ITGA9: variants seen among roughly 807,000 people sequenced by gnomAD.
ITGA9 encodes integrin alpha-9.
Under a neutral mutation model 127.8 loss-of-function variants are expected in ITGA9, and 56 were observed. The ratio of observed to expected loss-of-function variants is 0.44; its 90% CI spans 0.35 to 0.55. The LOEUF is 0.55. Ranked by LOEUF, ITGA9 falls within the 20% of genes least tolerant of loss-of-function variation. The pLI, the probability that ITGA9 is intolerant of heterozygous loss-of-function variation, is 0.00. For missense variants in ITGA9, 1,196 were observed against 1,347.1 expected, an observed-to-expected ratio of 0.89 and a Z score of 1.76; for synonymous variants, 508 against 514.5, an observed-to-expected ratio of 0.99 and a Z score of 0.17.
chr3:37,797,165 A>AAAG (rs1697183454), intron 26 of ITGA9, among the ~76,000 whole-genome samples: 2 of 151,922 alleles, frequency 1.3e-5, no homozygotes, highest in African/African-American at 4.8e-5. Flanking sequence ...CTATCTCTAC[A>AAAG]AATAATAATA....
intron 4 of ITGA9, among the ~76,000 whole-genome samples, chr3:37,490,520 T>G (rs1698658898): frequency 6.6e-6 from 1 of 152,116 alleles, no homozygotes; most frequent in African/African-American, 2.4e-5. Context: ...CTCAAATGGG[T>G]AATATGAAGG....
chr3:37,816,882 T>G (rs763238500), intron 27 of ITGA9, among the ~76,000 whole-genome samples: 1 of 152,222 alleles, frequency 6.6e-6, no homozygotes, highest in Non-Finnish European at 1.5e-5. Flanking sequence ...TCTTTCCCAG[T>G]CATTCAAACT....
chr3:37,741,602 C>T (rs1473728853), intron 20 of ITGA9, 128 bp from the exon 21 acceptor site: 3 of 746,540 alleles, frequency 4.0e-6, no homozygotes, highest in African/African-American at 3.5e-5. Context: ...CAAAAACAGA[C>T]TGAAGGCAAT....
chr3:37,744,149 G>C, intron 22 of ITGA9, 115 bp downstream of exon 22: 1 of 760,986 alleles, frequency 1.3e-6, no homozygotes, highest in Non-Finnish European at 2.4e-6. Flanking sequence ...TGGTTGGCTG[G>C]TGTGGTGTGT....
intron 19 of ITGA9, among the ~76,000 whole-genome samples, chr3:37,735,983 C>A (rs1234260277): frequency 6.6e-6 from 1 of 152,188 alleles, no homozygotes; most frequent in Non-Finnish European, 1.5e-5. Flanking sequence ...ATGGTCCCGG[C>A]AGATTCAGTT....
At chr3:37,660,367 T>C (rs1700521811) in intron 17 of ITGA9, among the ~76,000 whole-genome samples, 1 of 152,194 alleles carries the variant, frequency 6.6e-6, no homozygotes, top group Admixed American at 6.5e-5. Flanking sequence ...AAAAACTTCA[T>C]GTGGTGGGAA....
intron 13 of ITGA9, among the ~76,000 whole-genome samples, chr3:37,527,028 G>A (rs1352078420): frequency 6.6e-6 from 1 of 152,186 alleles, no homozygotes; most frequent in African/African-American, 2.4e-5. Flanking sequence ...TGAACTCAGG[G>A]GCCAGGTGGC....
chr3:37,644,295 G>A (rs1234958401), intron 16 of ITGA9, among the ~76,000 whole-genome samples: 1 of 152,150 alleles, frequency 6.6e-6, no homozygotes, highest in Non-Finnish European at 1.5e-5. Context: ...CCTTTAGATG[G>A]ATGGAACTGG....
rs116041032 is a variant in ITGA9 at position 37,570,453 on chromosome 3, A to G, written c.1689+27868A>G. 2.4e-3 allele frequency among the ~76,000 whole-genome samples: 370 copies of G among 152,222 alleles called. 2 individuals carry two copies. Among genetic ancestry groups the G allele is most frequent in the African/African-American group, 8.6e-3 (359 of 41,536 alleles). ...GCTTGGTATTGCTGGAAGTGGATAG[A>G]TTTGGGTTGCCTGTGTCTAGCAGGT... On this transcript the variant is annotated intron_variant, in intron 15 of 27. Transcript: ENST00000264741.
intron 1 of ITGA9, among the ~76,000 whole-genome samples, chr3:37,454,764 G>A (rs760276271): frequency 2.6e-5 from 4 of 152,032 alleles, no homozygotes; most frequent in Non-Finnish European, 4.4e-5. Flanking sequence ...TCATGCTGTT[G>A]TTTTCAAGTA....
intron 15 of ITGA9, among the ~76,000 whole-genome samples, chr3:37,614,590 C>T (rs1253288547): frequency 6.6e-6 from 1 of 151,736 alleles, no homozygotes. Context: ...ATTCTTCCTA[C>T]CCATGAGCAT....
At chr3:37,561,869 T>C (rs1324891601) in intron 15 of ITGA9, among the ~76,000 whole-genome samples, 2 of 149,666 alleles carry the variant, frequency 1.3e-5, no homozygotes, top group East Asian at 3.8e-4. Flanking sequence ...CTCAGCCCTG[T>C]TATTATTCTC....
chr3:37,474,694 G>A (rs966326719), intron 3 of ITGA9, among the ~76,000 whole-genome samples: 2 of 152,178 alleles, frequency 1.3e-5, no homozygotes, highest in Non-Finnish European at 2.9e-5. Flanking sequence ...GAAGCTGTAC[G>A]AAGATTTTTG....
intron 18 of ITGA9, among the ~76,000 whole-genome samples, chr3:37,716,855 C>T (rs1321522882): frequency 6.6e-6 from 1 of 152,002 alleles, no homozygotes; most frequent in Non-Finnish European, 1.5e-5. Flanking sequence ...GCCTGTCTCC[C>T]TATATTGTTC....
At chr3:37,759,099 A>ACG (rs768854840) in intron 23 of ITGA9, among the ~76,000 whole-genome samples, 11 of 151,714 alleles carry the variant, frequency 7.3e-5, no homozygotes, top group Non-Finnish European at 1.2e-4. Context: ...ACACACACAC[A>ACG]CATATACCCA....
At chr3:37,491,250 T>C (rs1440528417) in intron 4 of ITGA9, among the ~76,000 whole-genome samples, 2 of 152,204 alleles carry the variant, frequency 1.3e-5, no homozygotes, top group Non-Finnish European at 2.9e-5. Flanking sequence ...GTGCTGGGAT[T>C]ACAGGTGTCA....
intron 18 of ITGA9, among the ~76,000 whole-genome samples, chr3:37,711,086 C>T: frequency 6.6e-6 from 1 of 152,208 alleles, no homozygotes; most frequent in East Asian, 1.9e-4. Flanking sequence ...GAAGGCTCCA[C>T]TGGAGGATCT....
Position 37,629,109 on chromosome 3 carries a change from G to A in ITGA9, c.1690-78G>A, listed in dbSNP as rs564449273. On this transcript the variant is annotated intron_variant, in intron 15 of 27. Transcript: ENST00000264741. This position sits in a 1 kb window ranked among gnomAD's most constrained non-coding sequence, Gnocchi z 4.5. Reference sequence around the variant, plus strand: ...TTATATGAGGCAATTCATGTAGAAGGTCTTTGTAAACTGTGAAATGCTCTA... The same window carrying A: ...TTATATGAGGCAATTCATGTAGAAGATCTTTGTAAACTGTGAAATGCTCTA... The A allele has an allele frequency of 6.6e-7, 1 of 1,525,170 alleles. No homozygotes were observed. The highest frequency in any genetic ancestry group is 1.4e-5 in the African/African-American group (1 of 73,004). 94.5% of individuals were successfully genotyped at this position (1,525,170 alleles called of 1,614,324 possible). A position where few individuals can be genotyped will look rare whatever the true frequency, so the allele number is the denominator to read the frequency against.
chr3:37,569,627 A>T (rs939887536), intron 15 of ITGA9, among the ~76,000 whole-genome samples: 1 of 152,178 alleles, frequency 6.6e-6, no homozygotes, highest in Non-Finnish European at 1.5e-5. Context: ...GAGCATCCTT[A>T]ATCTGAAAAT....
Sources: gnomAD v4.1 joint callset for allele counts (sites outside exome capture counted in the v4.1 genomes callset) on GRCh38, gnomAD v4.1.1 for gene constraint, Gnocchi (gnomAD v3.1) non-coding constraint, MANE v1.5 for transcripts, NCBI Gene and HGNC (gene_info 2026-07-23, HGNC 2026-07-21) for gene names.